Variants in GALNTL6 observed in about 807,000 individuals in gnomAD.
The protein encoded by GALNTL6 is polypeptide N-acetylgalactosaminyltransferase-like 6.
A neutral mutation model predicts 73.7 loss-of-function variants in GALNTL6; 46 were observed. The ratio of observed to expected loss-of-function variants is 0.62; its 90% CI spans 0.49 to 0.80. The LOEUF (loss-of-function observed/expected upper bound fraction) is 0.80. Ranked by LOEUF, GALNTL6 falls within the 30% of genes least tolerant of loss-of-function variation. The pLI, the probability that GALNTL6 is intolerant of heterozygous loss-of-function variation, is 0.00. For synonymous variants in GALNTL6, 259 were observed against 263.7 expected (o/e 0.98, Z 0.17); for missense variants, 604 against 755.0 (o/e 0.80, Z 2.34).
rs182967412 is a variant in GALNTL6 at position 172,650,680 on chromosome 4, A to G, written c.554-158681A>G. Among the ~76,000 whole-genome samples the G allele has an allele frequency of 6.2e-4, 94 of 152,322 alleles. 1 individual carries two copies. In the South Asian group the frequency reaches 0.016, roughly 26 times the overall value. ...TATAATGTGGAAGAAATGGAAAGAGATGTCTGTTAATGTCACAGATGACAA... is the reference window on the plus strand; with the variant it reads ...TATAATGTGGAAGAAATGGAAAGAGGTGTCTGTTAATGTCACAGATGACAA... On this transcript the variant is annotated intron_variant, in intron 5 of 12. Transcript: ENST00000506823.
At position 172,326,986 on chromosome 4, in the gene GALNTL6, T is replaced by G. The variant is rs1193060372; in HGVS notation, c.386+15234T>G. Among the ~76,000 whole-genome samples, 4 of 152,178 alleles carry G rather than the reference T, an allele frequency of 2.6e-5. No individual in the cohort carries two copies. The East Asian group carries it at 5.8e-4, about 22-fold the overall frequency. On this transcript the variant is annotated intron_variant, in intron 4 of 12. Transcript: ENST00000506823. ...CCAGTTCTGGCCTTTATGCTATTATTGTGAAATATTTTGCTTCTATTTATA... is the reference window on the plus strand; with the variant it reads ...CCAGTTCTGGCCTTTATGCTATTATGGTGAAATATTTTGCTTCTATTTATA...
At chr4:172,447,069 A>G (rs1371368400) in intron 5 of GALNTL6, among the ~76,000 whole-genome samples, 1 of 152,184 alleles carries the variant, frequency 6.6e-6, no homozygotes, top group Non-Finnish European at 1.5e-5. Context: ...ATAGTTTTGT[A>G]GAAGAGAAGA....
intron 5 of GALNTL6, among the ~76,000 whole-genome samples, chr4:172,432,660 A>G (rs908882315): frequency 1.1e-4 from 17 of 152,110 alleles, no homozygotes; most frequent in Non-Finnish European, 2.4e-4. Flanking sequence ...AAAAATCATC[A>G]GGCTGTACAC....
chr4:172,542,954 G>A (rs771876715), intron 5 of GALNTL6, among the ~76,000 whole-genome samples: 1 of 151,996 alleles, frequency 6.6e-6, no homozygotes, highest in Non-Finnish European at 1.5e-5. Flanking sequence ...AAAATTAGCC[G>A]GGCGTGGTGG....
chr4:171,963,910 T>C (rs1739305987), intron 2 of GALNTL6, among the ~76,000 whole-genome samples: 2 of 152,190 alleles, frequency 1.3e-5, no homozygotes, highest in African/African-American at 4.8e-5. Flanking sequence ...AGATGTTTTA[T>C]AGAAAAGAGT....
intron 5 of GALNTL6, among the ~76,000 whole-genome samples, chr4:172,587,812 G>T (rs1013685466): frequency 7.9e-5 from 12 of 152,258 alleles, no homozygotes; most frequent in Admixed American, 5.9e-4. Context: ...AAGTGTGTGT[G>T]TCTGTGTGTG....
At chr4:172,931,688 G>C (rs1748348952) in intron 9 of GALNTL6, among the ~76,000 whole-genome samples, 1 of 152,132 alleles carries the variant, frequency 6.6e-6, no homozygotes, top group African/African-American at 2.4e-5. Context: ...GGGTAAATGG[G>C]AGATGGGAAA....
chr4:171,946,346 AT>A, intron 2 of GALNTL6, among the ~76,000 whole-genome samples: 1 of 152,320 alleles, frequency 6.6e-6, no homozygotes, highest in South Asian at 2.1e-4. Context: ...ACAAACAAAA[AT>A]TGTTAGATGC....
chr4:172,561,360 C>T lies in GALNTL6; in HGVS notation c.553+212671C>T, dbSNP rs551350894. 1.3e-3 allele frequency among the ~76,000 whole-genome samples: 191 copies of T among 151,562 alleles called. 1 individual carries two copies. The highest frequency in any genetic ancestry group is 2.2e-3 in the Non-Finnish European group (150 of 67,946). On this transcript the variant is annotated intron_variant, in intron 5 of 12. Coordinates refer to ENST00000506823, the MANE Select transcript of GALNTL6 (RefSeq NM_001034845.3). Reference sequence around the variant, plus strand: ...CTCGGCAACCTGCTTCCTAAGTCTGCGCTCCTAATCCTTACCCCCTGTTCT... The same window carrying T: ...CTCGGCAACCTGCTTCCTAAGTCTGTGCTCCTAATCCTTACCCCCTGTTCT...
intron 2 of GALNTL6, among the ~76,000 whole-genome samples, chr4:171,984,056 G>A (rs188254030): frequency 4.6e-5 from 7 of 152,170 alleles, no homozygotes; most frequent in Non-Finnish European, 7.4e-5. Context: ...GATTCATTAG[G>A]GGCCCCTTGA....
At chr4:172,060,759 C>G (rs1731174738) in intron 2 of GALNTL6, among the ~76,000 whole-genome samples, 1 of 152,126 alleles carries the variant, frequency 6.6e-6, no homozygotes, top group South Asian at 2.1e-4. Context: ...TAGTCACTAC[C>G]CAGCATTCCA....
chr4:172,928,308 A>G (rs1748165370), intron 8 of GALNTL6, among the ~76,000 whole-genome samples: 1 of 152,190 alleles, frequency 6.6e-6, no homozygotes, highest in Non-Finnish European at 1.5e-5. Flanking sequence ...TCAGTTCTGG[A>G]AGTGGCCAGT....
chr4:172,573,374 G>T (rs1450113043), intron 5 of GALNTL6, among the ~76,000 whole-genome samples: 1 of 152,052 alleles, frequency 6.6e-6, no homozygotes, highest in African/African-American at 2.4e-5. Flanking sequence ...ATGAAAGTTT[G>T]CATCCCCTAT....
chr4:172,625,923 T>C (rs1739150774), intron 5 of GALNTL6, among the ~76,000 whole-genome samples: 2 of 152,168 alleles, frequency 1.3e-5, no homozygotes, highest in Admixed American at 6.6e-5. Flanking sequence ...CATTAGACCT[T>C]TGTTGGATGC....
chr4:172,037,080 C>T (rs956876187), intron 2 of GALNTL6, among the ~76,000 whole-genome samples: 1 of 152,082 alleles, frequency 6.6e-6, no homozygotes, highest in Non-Finnish European at 1.5e-5. Flanking sequence ...TGGCACTTGG[C>T]TATGGACTAT....
intron 7 of GALNTL6, among the ~76,000 whole-genome samples, chr4:172,881,525 T>C (rs548617449): frequency 2.6e-5 from 4 of 152,312 alleles, no homozygotes; most frequent in South Asian, 2.1e-4. Context: ...CTTTGAAATA[T>C]ATAATACACT....
intron 2 of GALNTL6, among the ~76,000 whole-genome samples, chr4:172,226,039 A>AT (rs1359074464): frequency 6.6e-6 from 1 of 152,126 alleles, no homozygotes. Context: ...TTTGGGATTT[A>AT]TTTTTTACAT....
chr4:172,280,479 A>AT (rs1427591284), intron 3 of GALNTL6, among the ~76,000 whole-genome samples: 2 of 151,962 alleles, frequency 1.3e-5, no homozygotes, highest in African/African-American at 4.8e-5. Context: ...GTATAGAGAA[A>AT]TTTTTTTAAA....
intron 3 of GALNTL6, among the ~76,000 whole-genome samples, chr4:172,306,799 C>A (rs1275740048): frequency 6.6e-6 from 1 of 152,100 alleles, no homozygotes; most frequent in Non-Finnish European, 1.5e-5. Context: ...TATTTCATTC[C>A]TTTTTTTGGC....
Sources: gnomAD v4.1 joint callset for allele counts (sites outside exome capture counted in the v4.1 genomes callset) on GRCh38, gnomAD v4.1.1 for gene constraint, MANE v1.5 for transcripts, NCBI Gene and HGNC (gene_info 2026-07-23, HGNC 2026-07-21) for gene names.